TBCD: variants seen among roughly 807,000 people sequenced by gnomAD.
The protein encoded by TBCD is tubulin folding cofactor D.
TBCD carries 105 observed loss-of-function variants against 169.3 expected under a neutral mutation model. That is an observed-to-expected ratio of 0.62 (90% confidence interval 0.53 to 0.73). The LOEUF is 0.73. Among genes scored for constraint, TBCD ranks in the 30% least tolerant of loss-of-function variants. TBCD has a pLI of 0.00. For synonymous variants in TBCD, 700 were observed against 643.9 expected (o/e 1.09, Z -1.32); for missense variants, 1,444 against 1,600.1 (o/e 0.90, Z 1.66).
intron 37 of TBCD, among the ~76,000 whole-genome samples, chr17:82,940,617 GGGA>G (rs2147607604): frequency 6.6e-6 from 1 of 152,338 alleles, no homozygotes; most frequent in East Asian, 1.9e-4. Context: ...TTCTGGTTTG[GGGA>G]GGAGTGTGTG....
Position 82,945,090 on chromosome 17 carries a change from T to C in TBCD, c.*2627T>C, listed in dbSNP as rs2063595381. On this transcript the variant is annotated 3_prime_UTR_variant, in exon 39 of 39. Coordinates refer to ENST00000355528, the MANE Select transcript of TBCD (RefSeq NM_005993.5). ...CTCTGGTAGAATGTAGGCTATAATA[T>C]GAGTACATTTTTGAAAAGGGCTAGA... 1 of 152,038 alleles carries C rather than the reference T, an allele frequency of 6.6e-6. No homozygotes were observed. The highest frequency in any genetic ancestry group is 2.4e-5 in the African/African-American group (1 of 41,386). 9.4% of individuals were successfully genotyped at this position (152,038 alleles called of 1,614,324 possible).
At chr17:82,916,220 G>A (rs2061019606) in intron 23 of TBCD, among the ~76,000 whole-genome samples, 1 of 151,776 alleles carries the variant, frequency 6.6e-6, no homozygotes, top group Non-Finnish European at 1.5e-5. Flanking sequence ...CCTCTCGTTT[G>A]TTTATACCAA....
At chr17:82,760,963 CTT>C (rs34838658) in intron 2 of TBCD, among the ~76,000 whole-genome samples, 10 of 144,274 alleles carry the variant, frequency 6.9e-5, no homozygotes, top group African/African-American at 5.1e-5. Flanking sequence ...GTTTTTCAGT[CTT>C]TTTTTTTTTT....
chr17:82,845,297 C>T (rs557016678), intron 13 of TBCD, among the ~76,000 whole-genome samples: 5 of 148,674 alleles, frequency 3.4e-5, no homozygotes, highest in Admixed American at 6.6e-5. Context: ...CCTTCCTCTC[C>T]GTCCATCCTG....
chr17:82,888,747 C>T (rs976920662), intron 15 of TBCD, among the ~76,000 whole-genome samples: 2 of 152,230 alleles, frequency 1.3e-5, no homozygotes, highest in South Asian at 2.1e-4. Context: ...ACTTGGTGCC[C>T]GTCTGTGTGT....
chr17:82,889,530 G>A lies in TBCD; in HGVS notation c.1534-138G>A. On this transcript the variant is annotated intron_variant, in intron 15 of 38. Transcript: ENST00000355528. This position sits in a 1 kb window ranked among gnomAD's most constrained non-coding sequence, Gnocchi z 5.3. The stretch of plus-strand genomic sequence containing the variant: ...ACAGAGTGACGCACCTTGAGGCTCT[G>A]TTCAGCCAACAATGAGGGCTTTTAT... 2 of 1,000,962 alleles carry A rather than the reference G, an allele frequency of 2.0e-6. No homozygotes were observed. Among genetic ancestry groups the A allele is most frequent in the South Asian group, 2.9e-5 (2 of 68,536 alleles). The allele number at this position is 1,000,962 out of a possible 1,614,324, so 62.0% of individuals were successfully genotyped here.
At chr17:82,822,462 C>G (rs922140184) in intron 13 of TBCD, among the ~76,000 whole-genome samples, 1 of 152,178 alleles carries the variant, frequency 6.6e-6, no homozygotes, top group Non-Finnish European at 1.5e-5. Flanking sequence ...GACTCCTGAC[C>G]GCAGCATCTC....
At chr17:82,767,445 CT>C (rs545655524) in intron 4 of TBCD, among the ~76,000 whole-genome samples, 5 of 149,614 alleles carry the variant, frequency 3.3e-5, no homozygotes, top group Non-Finnish European at 3.0e-5. Context: ...TTTCTTTATT[CT>C]TTTTTTTTTA....
chr17:82,786,706 GAGGGCTCCACGGTGTCCCCTGGGTGC>G (rs2049338000), intron 7 of TBCD, among the ~76,000 whole-genome samples: 1 of 152,154 alleles, frequency 6.6e-6, no homozygotes, highest in Non-Finnish European at 1.5e-5. Context: ...GGCTGCCTTG[GAGGGCTCCACGGTGTCCCCTGGGTGC>G]AGGGCTCCGA....
At chr17:82,770,163 G>T (rs1359452252) in intron 5 of TBCD, among the ~76,000 whole-genome samples, 1 of 152,172 alleles carries the variant, frequency 6.6e-6, no homozygotes, top group African/African-American at 2.4e-5. Context: ...TTTACCCTCA[G>T]CAACACGTTC....
chr17:82,766,872 T>A lies in TBCD; in HGVS notation c.435+504T>A, dbSNP rs111964682. ...GTTGGGTCCCACAGGGCCTGTGTCATTCCCCCAGCAGTGAGATGTGACCAC... is the reference window on the plus strand; with the variant it reads ...GTTGGGTCCCACAGGGCCTGTGTCAATCCCCCAGCAGTGAGATGTGACCAC... On this transcript the variant is annotated intron_variant, in intron 4 of 38. Transcript: ENST00000355528. Among the ~76,000 whole-genome samples, 213 of 152,308 alleles carry A rather than the reference T, an allele frequency of 1.4e-3. 2 individuals carry two copies. Among genetic ancestry groups the A allele is most frequent in the African/African-American group, 5.0e-3 (207 of 41,584 alleles).
intron 13 of TBCD, among the ~76,000 whole-genome samples, chr17:82,823,905 C>T (rs2052612652): frequency 6.6e-6 from 1 of 152,086 alleles, no homozygotes; most frequent in African/African-American, 2.4e-5. Context: ...CTCATCACCC[C>T]AGATTAAGAA....
At chr17:82,797,725 G>A (rs2144617000) in intron 7 of TBCD, 32 bp from the exon 8 acceptor site, 1 of 1,430,054 alleles carries the variant, frequency 7.0e-7, no homozygotes, top group East Asian at 2.4e-5. Context: ...ATTTGTATTT[G>A]TAACATTAAA....
chr17:82,902,188 G>A (rs141957229), intron 18 of TBCD, among the ~76,000 whole-genome samples: 111 of 152,302 alleles, frequency 7.3e-4, no homozygotes, highest in African/African-American at 2.3e-3. Context: ...TCATTGTCTC[G>A]TGTGAGATTT....
In TBCD at chr17:82,874,002, G is replaced by A. The variant is rs1270659495; in HGVS notation, c.1475+3622G>A. Among the ~76,000 whole-genome samples the A allele has an allele frequency of 4.6e-5, 7 of 152,222 alleles. No homozygotes were observed. The highest frequency in any genetic ancestry group is 8.8e-5 in the Non-Finnish European group (6 of 68,032). ...CCCTGCACAGCCTCCTGTTGGCCCC[G>A]TGAGGGTCCTGACTGGGGCTCCTCT... On this transcript the variant is annotated intron_variant, in intron 14 of 38. Coordinates refer to ENST00000355528, the MANE Select transcript of TBCD (RefSeq NM_005993.5). The surrounding 1 kb of genome is among the most constrained non-coding windows in gnomAD (Gnocchi z 5.0).
chr17:82,763,740 C>CA (rs1412237522), intron 2 of TBCD, among the ~76,000 whole-genome samples: 82 of 147,958 alleles, frequency 5.5e-4, no homozygotes, highest in Admixed American at 2.2e-3. Flanking sequence ...GACTCTGTCT[C>CA]AAAAAAAAAG....
intron 7 of TBCD, chr17:82,795,688 C>A (rs139198406): frequency 2.4e-6 from 2 of 830,916 alleles, no homozygotes; most frequent in Non-Finnish European, 2.9e-6. Context: ...CGCACTCTTG[C>A]GTGGATCGAT....
At chr17:82,876,706 C>G (rs2058003731) in intron 14 of TBCD, among the ~76,000 whole-genome samples, 1 of 152,238 alleles carries the variant, frequency 6.6e-6, no homozygotes, top group South Asian at 2.1e-4. Context: ...CAGCGTTTCT[C>G]AGGCGTTGCT....
In TBCD at chr17:82,939,041, A is replaced by C; in HGVS notation, c.3370-326A>C. On this transcript the variant is annotated intron_variant, in intron 36 of 38. Coordinates refer to ENST00000355528, the MANE Select transcript of TBCD (RefSeq NM_005993.5). ...GGCGAGATTGCTTCTCTGGTGAGGGAGCAGGTTAGTTAATAGAGAGCAGGC... is the reference window on the plus strand; with the variant it reads ...GGCGAGATTGCTTCTCTGGTGAGGGCGCAGGTTAGTTAATAGAGAGCAGGC... 1.1e-5 allele frequency: 4 copies of C among 356,792 alleles called. No homozygotes were observed. The South Asian group carries it at 1.2e-4, about 11-fold the overall frequency. 22.1% of individuals were successfully genotyped at this position (356,792 alleles called of 1,614,324 possible).
Sources: allele counts gnomAD v4.1 joint callset (sites outside exome capture counted in the v4.1 genomes callset), GRCh38; gene constraint gnomAD v4.1.1; non-coding constraint Gnocchi (gnomAD v3.1); transcripts MANE v1.5; gene names NCBI Gene and HGNC (gene_info 2026-07-23, HGNC 2026-07-21).